Variants in ITGB2 observed in about 807,000 individuals in gnomAD.
ITGB2 encodes integrin beta-2.
Under a neutral mutation model 86.8 loss-of-function variants are expected in ITGB2, and 56 were observed. That is an observed-to-expected ratio of 0.65 (90% CI 0.52 to 0.81). ITGB2 has a LOEUF of 0.81. ITGB2 is among the 30% of genes least tolerant of loss of function. The pLI is 0.00. For synonymous variants in ITGB2, 457 were observed against 450.4 expected, an observed-to-expected ratio of 1.01 and a Z score of -0.19; for missense variants, 948 against 1,061.2, an observed-to-expected ratio of 0.89 and a Z score of 1.48.
upstream of ITGB2, among the ~76,000 whole-genome samples, chr21:44,924,169 C>T (rs753514090): frequency 2.6e-5 from 4 of 152,114 alleles, no homozygotes; most frequent in African/African-American, 9.7e-5. Flanking sequence ...GTGGCTCACA[C>T]CTGCAATCCC....
At chr21:44,910,975 G>A (rs771446938) in intron 1 of ITGB2, 190 bp from the exon 2 acceptor site, 60 of 619,508 alleles carry the variant, frequency 9.7e-5, no homozygotes, top group Admixed American at 5.4e-5. Context: ...GAGGGATCCC[G>A]GGCTCAGCAG....
chr21:44,900,563 G>A (rs1186328884), intron 6 of ITGB2, 88 bp from the exon 7 acceptor site: 13 of 1,532,552 alleles, frequency 8.5e-6, no homozygotes, highest in Admixed American at 3.4e-5. Context: ...CAGAGCTGGT[G>A]GGGTGGCCCG....
chr21:44,894,857 G>T, intron 9 of ITGB2, 114 bp downstream of exon 9: 4 of 796,942 alleles, frequency 5.0e-6, no homozygotes, highest in Non-Finnish European at 8.8e-6. Flanking sequence ...GGCCCACGGG[G>T]CAGGGGCTTT....
chr21:44,887,009 G>A (rs2083710348), intron 14 of ITGB2, 107 bp from the exon 15 acceptor site: 2 of 1,381,758 alleles, frequency 1.4e-6, no homozygotes, highest in Non-Finnish European at 2.0e-6. Context: ...AGAGACGGAG[G>A]TTCCCAGGGC....
chr21:44,893,591 C>A lies in ITGB2; in HGVS notation c.1084-47G>T, dbSNP rs759451133. The A allele has an allele frequency of 3.7e-6, 6 of 1,609,364 alleles. 1 individual carries two copies. The Middle Eastern group carries it at 1.0e-3, about 268-fold the overall frequency. On this transcript the variant is annotated intron_variant, in intron 9 of 15. Coordinates refer to ENST00000652462, the MANE Select transcript of ITGB2 (RefSeq NM_000211.5). ...TCTTGGGGGCGAGTGTTTCTGTTGT[C>A]CTGGCCCTGCCTGGCCCAGCGGTTT...
chr21:44,910,972 C>T (rs2084122867), intron 1 of ITGB2, 187 bp from the exon 2 acceptor site: 1 of 627,018 alleles, frequency 1.6e-6, no homozygotes, highest in Non-Finnish European at 2.8e-6. Context: ...AGGGAGGGAT[C>T]CCGGGCTCAG....
intron 8 of ITGB2, 61 bp from the exon 9 acceptor site, chr21:44,895,121 A>C: frequency 8.1e-7 from 1 of 1,231,322 alleles, no homozygotes; most frequent in Non-Finnish European, 1.2e-6. Flanking sequence ...ATCTCCACGC[A>C]CTGGGCTCAC....
chr21:44,906,925 G>C lies in ITGB2; in HGVS notation c.318C>G (p.Tyr106Ter). 6.2e-7 allele frequency: 1 copy of C among 1,614,218 alleles called. No individual in the cohort carries two copies. Among genetic ancestry groups the C allele is most frequent in the Non-Finnish European group, 8.5e-7 (1 of 1,180,032 alleles). The change falls in exon 4 of 16, where the codon TAC becomes TAG. Residue 106 changes from tyrosine (Y) to a stop codon, truncating the protein, a stop_gained. Transcript: ENST00000652462. LOFTEE classifies it high-confidence loss of function. The stretch of plus-strand genomic sequence containing the variant: ...CGAGGCCAAGCCTACCTGGTCGCAG[G>C]TAAAGCGTCACTTTTTGTGGGGACA... ...KQLSPQKVTL[Y>*]LRPGQAAAFN...
At chr21:44,899,959 T>G (rs2083925421) in intron 7 of ITGB2, among the ~76,000 whole-genome samples, 1 of 152,116 alleles carries the variant, frequency 6.6e-6, no homozygotes, top group Non-Finnish European at 1.5e-5. Context: ...TGCTTGGGGA[T>G]GGGACCCTGG....
At chr21:44,926,492 C>T (rs1438568162) in intron 1 of ITGB2, among the ~76,000 whole-genome samples, 1 of 152,198 alleles carries the variant, frequency 6.6e-6, no homozygotes, top group Non-Finnish European at 1.5e-5. Context: ...TGTAGCAGCA[C>T]CGGCAACCGG....
chr21:44,899,028 C>G, intron 8 of ITGB2, 39 bp downstream of exon 8: 1 of 1,502,138 alleles, frequency 6.7e-7, no homozygotes, highest in East Asian at 2.3e-5. Flanking sequence ...CTGAAACATG[C>G]CCCCACCCAA....
chr21:44,891,888 A>G lies in ITGB2; in HGVS notation c.1333T>C (p.Cys445Arg). Residue 445 changes from cysteine (C) to arginine (R), a missense_variant, in exon 11 of 16, where the codon TGT (cysteine) becomes CGT (arginine). Transcript: ENST00000652462. The stretch of plus-strand genomic sequence containing the variant: ...CTCTGGTCCCGGCACCGGCACTCAC[A>G]CTGGGGAAGAACCTGCACGGTCACT... ...DIVTVQVLPQ[C>R]ECRCRDQSRD... The G allele has an allele frequency of 6.2e-7, 1 of 1,612,982 alleles. No homozygotes were observed.
At chr21:44,886,608 A>C in intron 15 of ITGB2, 128 bp downstream of exon 15, 1 of 1,470,092 alleles carries the variant, frequency 6.8e-7, no homozygotes, top group Non-Finnish European at 9.5e-7. Context: ...GGACGCCCAG[A>C]GGACAAGCTG....
At chr21:44,919,010 A>G (rs544740689) in intron 1 of ITGB2, among the ~76,000 whole-genome samples, 1 of 151,438 alleles carries the variant, frequency 6.6e-6, no homozygotes, top group Non-Finnish European at 1.5e-5. Flanking sequence ...CCCCTCTCCC[A>G]GCACTCGGAG....
At position 44,894,356 on chromosome 21, in the gene ITGB2, C is replaced by G. The variant is rs141361081; in HGVS notation, c.1083+615G>C. On this transcript the variant is annotated intron_variant, in intron 9 of 15. Coordinates refer to ENST00000652462, the MANE Select transcript of ITGB2 (RefSeq NM_000211.5). ...CCAGGCCAGAATTCTGAGAACATCT[C>G]TCACCTGGGGGTAGATTTCCAGAGC... 1,033 of 167,736 alleles carry G rather than the reference C, an allele frequency of 6.2e-3. 8 individuals carry two copies. Among genetic ancestry groups the G allele is most frequent in the Middle Eastern group, 0.043 (14 of 328 alleles). The allele number at this position is 167,736 out of a possible 1,614,324, so 10.4% of individuals were successfully genotyped here.
Position 44,891,822 on chromosome 21 carries a change from A to G in ITGB2, c.1399T>C (p.Cys467Arg). 1 of 1,606,702 alleles carries G rather than the reference A, an allele frequency of 6.2e-7. No homozygotes were observed. ...CGCCCGCCTCACCTGCAGATGCCGCACTCCAAGAAGCCCTTGCCATGGCAG... is the reference window on the plus strand; with the variant it reads ...CGCCCGCCTCACCTGCAGATGCCGCGCTCCAAGAAGCCCTTGCCATGGCAG... Reference protein sequence around the residue: ...SLCHGKGFLECGICRCDTGYI... With the variant: ...SLCHGKGFLERGICRCDTGYI... Residue 467 changes from cysteine to arginine, a missense_variant, in exon 11 of 16, where the codon TGC becomes CGC. By Grantham distance (180) the Cys-to-Arg change is radical. Coordinates refer to ENST00000652462, the MANE Select transcript of ITGB2 (RefSeq NM_000211.5).
At chr21:44,907,992 CTG>C in intron 3 of ITGB2, 1 of 710,646 alleles carries the variant, frequency 1.4e-6, no homozygotes, top group South Asian at 1.5e-5. Context: ...ACAAATCTCA[CTG>C]AAAGGTGTTT....
intron 14 of ITGB2, 147 bp downstream of exon 14, chr21:44,888,546 A>G (rs1039872630): frequency 2.2e-6 from 2 of 909,102 alleles, no homozygotes; most frequent in Non-Finnish European, 1.7e-6. Flanking sequence ...CCTCCTTGCA[A>G]TGCCAAGGGC....
At position 44,890,128 on chromosome 21, in the gene ITGB2, A is replaced by G. The variant is rs1568882038; in HGVS notation, c.1507T>C (p.Ser503Pro). The change falls in exon 12 of 16, where the codon TCC becomes CCC. Residue 503 changes from serine (S) to proline (P), a missense_variant. Physicochemically the swap from Ser to Pro is moderately conservative, Grantham distance 74. Transcript: ENST00000652462. ...TCCCCCAGCCCTGAGCAGATGATGG[A>G]GTTGTTGTCCTTCCGGCAGCTTCCT... The part of the protein sequence containing the change: ...LEGSCRKDNN[S>P]IICSGLGDCV... 1.2e-6 allele frequency: 2 copies of G among 1,613,248 alleles called. No individual in the cohort carries two copies. The highest frequency in any genetic ancestry group is 3.3e-5 in the Admixed American group (2 of 60,010).
Sources: gnomAD v4.1 joint callset for allele counts (sites outside exome capture counted in the v4.1 genomes callset) on GRCh38, gnomAD v4.1.1 for gene constraint, MANE v1.5 for transcripts, NCBI Gene and HGNC (gene_info 2026-07-23, HGNC 2026-07-21) for gene names.